The following RASSF3 variants were observed in gnomAD, a reference collection of about 807,000 sequenced individuals.
RASSF3 encodes Ras association domain family member 3.
A neutral mutation model predicts 19.9 loss-of-function variants in RASSF3; 19 were observed. The ratio of observed to expected loss-of-function variants is 0.96; its 90% CI spans 0.67 to 1.40. The LOEUF (loss-of-function observed/expected upper bound fraction) is 1.40. RASSF3 is among the 40% of genes most tolerant of loss of function. The probability of loss-of-function intolerance (pLI) is 0.00; values close to 1 mark genes in which losing one functional copy is unlikely to be tolerated. For synonymous variants in RASSF3, 110 were observed against 104.2 expected, an observed-to-expected ratio of 1.06 and a Z score of -0.34; for missense variants, 306 against 289.8, an observed-to-expected ratio of 1.06 and a Z score of -0.41.
intron 1 of RASSF3, among the ~76,000 whole-genome samples, chr12:64,677,542 TGG>T (rs1343828431): frequency 1.3e-5 from 2 of 152,226 alleles, no homozygotes; most frequent in African/African-American, 4.8e-5. Context: ...CCCAAAGTGC[TGG>T]GATTATAGGC....
At chr12:64,551,369 G>A (rs1869156771) in intron 2 of RASSF3, among the ~76,000 whole-genome samples, 1 of 152,148 alleles carries the variant, frequency 6.6e-6, no homozygotes, top group South Asian at 2.1e-4. Flanking sequence ...GAGCCCAGGA[G>A]TTTGAGACCA....
intron 2 of RASSF3, among the ~76,000 whole-genome samples, chr12:64,599,506 C>A (rs1870052423): frequency 6.6e-6 from 1 of 152,168 alleles, no homozygotes; most frequent in Non-Finnish European, 1.5e-5. Context: ...TATTTCAAAT[C>A]AATTCACTGC....
At chr12:64,605,663 G>A (rs1400258818), upstream of RASSF3, among the ~76,000 whole-genome samples, 4 of 152,114 alleles carry the variant, frequency 2.6e-5, no homozygotes, top group Non-Finnish European at 5.9e-5. Context: ...GCTGAGGCAG[G>A]TGGATCAACT....
downstream of RASSF3, among the ~76,000 whole-genome samples, chr12:64,543,420 CG>C (rs1565836071): frequency 1.1e-4 from 5 of 46,710 alleles, no homozygotes; most frequent in Admixed American, 3.5e-4. Flanking sequence ...TCCCGCCCCC[CG>C]GCTCCCCGCC....
At chr12:64,559,492 A>C (rs1869312676) in intron 2 of RASSF3, among the ~76,000 whole-genome samples, 1 of 151,608 alleles carries the variant, frequency 6.6e-6, no homozygotes, top group African/African-American at 2.4e-5. Context: ...GATGGTCTCG[A>C]TCTCCTGACC....
At chr12:64,582,656 A>G (rs1869723160) in intron 2 of RASSF3, among the ~76,000 whole-genome samples, 1 of 152,154 alleles carries the variant, frequency 6.6e-6, no homozygotes, top group African/African-American at 2.4e-5. Context: ...TGGAGTTAGA[A>G]AAAGATTCAT....
At chr12:64,583,622 AAAAAC>A (rs1438119118) in intron 2 of RASSF3, among the ~76,000 whole-genome samples, 2 of 152,160 alleles carry the variant, frequency 1.3e-5, no homozygotes, top group African/African-American at 2.4e-5. Flanking sequence ...ACTCCGTCTC[AAAAAC>A]AAAACAAAAC....
chr12:64,674,945 A>G (rs4290330), intron 1 of RASSF3, among the ~76,000 whole-genome samples: 3 of 150,582 alleles, frequency 2.0e-5, no homozygotes, highest in African/African-American at 4.9e-5. Context: ...TCTTACAAGT[A>G]TGTTTAAGGA....
downstream of RASSF3, among the ~76,000 whole-genome samples, chr12:64,542,961 C>T (rs1001610986): frequency 6.6e-6 from 1 of 152,038 alleles, no homozygotes; most frequent in African/African-American, 2.4e-5. Context: ...CGGGGCTGCG[C>T]GCCAGCTAGA....
At chr12:64,632,705 G>A (rs932936731) in intron 1 of RASSF3, among the ~76,000 whole-genome samples, 1 of 152,076 alleles carries the variant, frequency 6.6e-6, no homozygotes, top group Non-Finnish European at 1.5e-5. Flanking sequence ...GGAACAACTC[G>A]GTTTTAGGGC....
intron 1 of RASSF3, among the ~76,000 whole-genome samples, chr12:64,651,586 C>T (rs1014707130): frequency 1.3e-5 from 2 of 152,074 alleles, no homozygotes; most frequent in South Asian, 2.1e-4. Flanking sequence ...TCTTGAACTC[C>T]TGACCTCAAG....
At chr12:64,614,749 G>A (rs899371572) in intron 1 of RASSF3, among the ~76,000 whole-genome samples, 1 of 146,060 alleles carries the variant, frequency 6.8e-6, no homozygotes, top group Non-Finnish European at 1.5e-5. Context: ...CCAGACTGGA[G>A]TGCAGTGGCA....
chr12:64,598,918 G>A (rs1870041752), intron 2 of RASSF3, among the ~76,000 whole-genome samples: 1 of 128,096 alleles, frequency 7.8e-6, no homozygotes, highest in Non-Finnish European at 1.5e-5. Flanking sequence ...GCCCTGGTGT[G>A]TGATGTTCCT....
intron 1 of RASSF3, among the ~76,000 whole-genome samples, chr12:64,662,153 TAACA>T (rs1872390185): frequency 6.6e-6 from 1 of 151,762 alleles, no homozygotes; most frequent in African/African-American, 2.4e-5. Context: ...GTGTGGTGGC[TAACA>T]CCTGTAATCC....
At chr12:64,509,119 T>G (rs1868311500) in intron 1 of RASSF3, among the ~76,000 whole-genome samples, 1 of 152,092 alleles carries the variant, frequency 6.6e-6, no homozygotes, top group African/African-American at 2.4e-5. Flanking sequence ...CAAAAGAACT[T>G]AAGAAAAATC....
Position 64,695,893 on chromosome 12 carries a change from C to T in RASSF3, c.*981C>T, listed in dbSNP as rs1312860136. ...TAAGTTACATAGTGTATAGCTTTCC[C>T]CCCACAGGTGGTTTTCAAAGTTGAG... On this transcript the variant is annotated 3_prime_UTR_variant, in exon 5 of 5. Transcript: ENST00000542104. 2.6e-5 allele frequency: 4 copies of T among 152,348 alleles called. No individual in the cohort carries two copies. The East Asian group carries it at 7.7e-4, about 29-fold the overall frequency. The allele number at this position is 152,348 out of a possible 1,614,324, so 9.4% of individuals were successfully genotyped here.
intron 1 of RASSF3, among the ~76,000 whole-genome samples, chr12:64,522,093 A>T (rs1245140591): frequency 6.6e-6 from 1 of 152,242 alleles, no homozygotes; most frequent in African/African-American, 2.4e-5. Flanking sequence ...ACCATGAAGC[A>T]TGAAAGCAGA....
intron 1 of RASSF3, among the ~76,000 whole-genome samples, chr12:64,634,957 CTTTTCTTTTCT>C (rs1245937320): frequency 7.5e-6 from 1 of 132,864 alleles, no homozygotes; most frequent in East Asian, 2.2e-4. Context: ...TTTTTCTTTT[CTTTTCTTTTCT>C]TTTTTTTTTT....
intron 4 of RASSF3, among the ~76,000 whole-genome samples, chr12:64,691,806 A>G (rs975252782): frequency 3.2e-5 from 4 of 123,902 alleles, no homozygotes; most frequent in African/African-American, 1.1e-4. Flanking sequence ...ACAACCTTAT[A>G]TTATTAGTCT....
Sources: allele counts gnomAD v4.1 joint callset (sites outside exome capture counted in the v4.1 genomes callset), GRCh38; gene constraint gnomAD v4.1.1; transcripts MANE v1.5; gene names NCBI Gene and HGNC (gene_info 2026-07-23, HGNC 2026-07-21).